RALGPS2: variants seen among roughly 807,000 people sequenced by gnomAD.
The protein encoded by RALGPS2 is ras-specific guanine nucleotide-releasing factor RalGPS2.
RALGPS2 carries 43 observed loss-of-function variants against 86.8 expected under a neutral mutation model. That is an observed-to-expected ratio of 0.50 (90% CI 0.39 to 0.64). The LOEUF (loss-of-function observed/expected upper bound fraction) is 0.64, where lower values mean the gene tolerates loss of function less well. RALGPS2 is among the 30% of genes least tolerant of loss of function. RALGPS2 has a pLI of 0.00. For synonymous variants in RALGPS2, 243 were observed against 231.3 expected, an observed-to-expected ratio of 1.05 and a Z score of -0.46; for missense variants, 536 against 694.6, an observed-to-expected ratio of 0.77 and a Z score of 2.57.
At chr1:178,833,287 A>G (rs1656115124) in intron 7 of RALGPS2, 137 bp from the exon 8 acceptor site, 1 of 769,422 alleles carries the variant, frequency 1.3e-6, no homozygotes, top group Non-Finnish European at 1.8e-6. Context: ...TTATTTATAT[A>G]CTACCAAGAT....
chr1:178,919,674 A>G lies in RALGPS2; in HGVS notation c.*3315A>G, dbSNP rs1187446277. 6.6e-6 allele frequency: 1 copy of G among 152,030 alleles called. No individual in the cohort carries two copies. Among genetic ancestry groups the G allele is most frequent in the African/African-American group, 2.4e-5 (1 of 41,458 alleles). The allele number at this position is 152,030 out of a possible 1,614,324, so 9.4% of individuals were successfully genotyped here. A position where few individuals can be genotyped will look rare whatever the true frequency, so the allele number is the denominator to read the frequency against. ...CCTTTACTACTGAAAACAAAACTAT[A>G]GGGCATCATACTAATTGAAAATCAA... On this transcript the variant is annotated 3_prime_UTR_variant, in exon 20 of 20. Transcript: ENST00000367635.
intron 1 of RALGPS2, among the ~76,000 whole-genome samples, chr1:178,743,645 G>A (rs142635113): frequency 1.2e-3 from 180 of 152,278 alleles, no homozygotes; most frequent in African/African-American, 3.9e-3. Context: ...TGCTGATTGA[G>A]ATCAGGAAAG....
At chr1:178,767,059 G>T (rs1652539674) in intron 1 of RALGPS2, among the ~76,000 whole-genome samples, 1 of 152,094 alleles carries the variant, frequency 6.6e-6, no homozygotes, top group Non-Finnish European at 1.5e-5. Context: ...AGTTCCTTCA[G>T]CTTAGTTTGG....
chr1:178,776,290 T>G lies in RALGPS2; in HGVS notation c.-83-392T>G, dbSNP rs79968605. Among the ~76,000 whole-genome samples the G allele has an allele frequency of 1.0e-3, 159 of 152,340 alleles. 1 individual carries two copies. Among genetic ancestry groups the G allele is most frequent in the African/African-American group, 3.3e-3 (137 of 41,592 alleles). Reference sequence around the variant, plus strand: ...GCTGTGATAAGCTTATTCAGTATTGTTGATTTACAGGTGTCATTTGGATCG... The same window carrying G: ...GCTGTGATAAGCTTATTCAGTATTGGTGATTTACAGGTGTCATTTGGATCG... On this transcript the variant is annotated intron_variant, in intron 1 of 19. Transcript: ENST00000367635.
At chr1:178,784,678 G>C (rs1475426976) in intron 3 of RALGPS2, among the ~76,000 whole-genome samples, 156 bp downstream of exon 3, 1 of 152,028 alleles carries the variant, frequency 6.6e-6, no homozygotes, top group Non-Finnish European at 1.5e-5. Flanking sequence ...GCAAACAGAG[G>C]GATGAAGTGG....
chr1:178,911,949 T>C (rs1660645371), intron 19 of RALGPS2, among the ~76,000 whole-genome samples: 1 of 152,218 alleles, frequency 6.6e-6, no homozygotes, highest in African/African-American at 2.4e-5. Context: ...GAACCCTTTA[T>C]CATTATGTAA....
chr1:178,909,456 T>G lies in RALGPS2; in HGVS notation c.1722+2589T>G, dbSNP rs144089062. On this transcript the variant is annotated intron_variant, in intron 19 of 19. Transcript: ENST00000367635. The stretch of plus-strand genomic sequence containing the variant: ...CCATATGAATTTTCTAATGGTTTTT[T>G]CTAATTCTTTGAAGAATGTCATTGG... 6.3e-3 allele frequency among the ~76,000 whole-genome samples: 957 copies of G among 152,214 alleles called. 11 individuals are homozygous for G. The highest frequency in any genetic ancestry group is 0.021 in the African/African-American group (891 of 41,518).
intron 8 of RALGPS2, among the ~76,000 whole-genome samples, chr1:178,839,605 T>C (rs141212793): frequency 0.23 from 35,050 of 152,092 alleles, 4,937 homozygotes; most frequent in Non-Finnish European, 0.32. Context: ...CTGCATCAAC[T>C]AATGAGCAAA....
At position 178,920,847 on chromosome 1, in the gene RALGPS2, T is replaced by G. The variant is rs1647274043; in HGVS notation, c.*4488T>G. On this transcript the variant is annotated 3_prime_UTR_variant, in exon 20 of 20. Coordinates refer to ENST00000367635, the MANE Select transcript of RALGPS2 (RefSeq NM_152663.5). ...CCCTTTGGCCAGAAATGAGATTTAT[T>G]TCCATTTATTTTTACATTTAAGTAA... 3 of 151,750 alleles carry G rather than the reference T, an allele frequency of 2.0e-5. No homozygotes were observed. In the South Asian group the frequency reaches 6.2e-4, roughly 32 times the overall value. The allele number at this position is 151,750 out of a possible 1,614,324, so 9.4% of individuals were successfully genotyped here.
At chr1:178,865,621 T>C (rs1658353061) in intron 8 of RALGPS2, 1 of 1,613,914 alleles carries the variant, frequency 6.2e-7, no homozygotes, top group Non-Finnish European at 8.5e-7. Context: ...GTACCAGGAA[T>C]GTGTATGCAC....
intron 1 of RALGPS2, among the ~76,000 whole-genome samples, chr1:178,751,219 G>C (rs1651635488): frequency 6.6e-6 from 1 of 151,750 alleles, no homozygotes; most frequent in South Asian, 2.1e-4. Flanking sequence ...TTCCGTTCTT[G>C]TGGCTTTGCA....
intron 8 of RALGPS2, among the ~76,000 whole-genome samples, chr1:178,870,028 G>C (rs779877698): frequency 1.3e-5 from 2 of 151,924 alleles, no homozygotes; most frequent in Non-Finnish European, 2.9e-5. Context: ...CTTACATAAT[G>C]CTTTTGTGTG....
At chr1:178,809,534 A>C (rs1471919770) in intron 5 of RALGPS2, among the ~76,000 whole-genome samples, 7 of 152,202 alleles carry the variant, frequency 4.6e-5, no homozygotes, top group Admixed American at 4.6e-4. Flanking sequence ...ATTAAAAAAA[A>C]ACAGTTTGTT....
intron 1 of RALGPS2, among the ~76,000 whole-genome samples, chr1:178,749,910 T>C (rs1239603027): frequency 1.3e-4 from 19 of 152,000 alleles, no homozygotes; most frequent in Admixed American, 6.6e-5. Flanking sequence ...GCCTGGGCAG[T>C]GTGGCAAAAC....
chr1:178,769,290 A>G (rs1652665152), intron 1 of RALGPS2, among the ~76,000 whole-genome samples: 2 of 151,184 alleles, frequency 1.3e-5, no homozygotes, highest in South Asian at 4.2e-4. Flanking sequence ...CCCACCATGC[A>G]CAAGAAGGAT....
At position 178,856,194 on chromosome 1, in the gene RALGPS2, G is replaced by GATATATAT. The variant is rs776840814; in HGVS notation, c.608-21303_608-21302insTATATATA. ...ACTGTGTTACCTGTACTTTTCCAGA[G>GATATATAT]AGAGAGAGATATATATATATATATA... On this transcript the variant is annotated intron_variant, in intron 8 of 19. Coordinates refer to ENST00000367635, the MANE Select transcript of RALGPS2 (RefSeq NM_152663.5). 7.1e-5 allele frequency among the ~76,000 whole-genome samples: 7 copies of GATATATAT among 99,180 alleles called. No homozygotes were observed. The East Asian group carries it at 1.0e-3, about 15-fold the overall frequency. The allele number at this position is 99,180 out of a possible 152,430, so 65.1% of individuals were successfully genotyped here. A position where few individuals can be genotyped will look rare whatever the true frequency, so the allele number is the denominator to read the frequency against.
At chr1:178,823,496 T>C (rs1048056055) in intron 7 of RALGPS2, among the ~76,000 whole-genome samples, 1 of 152,162 alleles carries the variant, frequency 6.6e-6, no homozygotes, top group African/African-American at 2.4e-5. Context: ...TTATGTAACA[T>C]GGTAAGAGAA....
At chr1:178,893,636 T>C in intron 15 of RALGPS2, among the ~76,000 whole-genome samples, 1 of 152,054 alleles carries the variant, frequency 6.6e-6, no homozygotes, top group East Asian at 1.9e-4. Context: ...TTTAATTTAA[T>C]ATTTACTAAA....
chr1:178,851,465 C>G (rs1657170933), intron 8 of RALGPS2: 1 of 648,732 alleles, frequency 1.5e-6, no homozygotes, highest in Admixed American at 3.6e-5. Context: ...CCTTCACTTA[C>G]TTGATGGCTG....
Sources: gnomAD v4.1 joint callset for allele counts (sites outside exome capture counted in the v4.1 genomes callset) on GRCh38, gnomAD v4.1.1 for gene constraint, MANE v1.5 for transcripts, NCBI Gene and HGNC (gene_info 2026-07-23, HGNC 2026-07-21) for gene names.